The following FGD4 variants were observed in gnomAD, a reference collection of about 807,000 sequenced individuals.
FGD4 encodes FYVE, RhoGEF and PH domain-containing protein 4.
Under a neutral mutation model 102.0 loss-of-function variants are expected in FGD4, and 42 were observed. The ratio of observed to expected loss-of-function variants is 0.41; its 90% CI spans 0.32 to 0.53. The LOEUF is 0.53. Among genes scored for constraint, FGD4 ranks in the 20% least tolerant of loss-of-function variants. The pLI, the probability that FGD4 is intolerant of heterozygous loss-of-function variation, is 0.21. For missense variants in FGD4, 902 were observed against 1,078.2 expected (o/e 0.84, Z 2.29); for synonymous variants, 380 against 375.7 (o/e 1.01, Z -0.13).
At position 32,544,594 on chromosome 12, in the gene FGD4, G is replaced by A. The variant is rs544973473; in HGVS notation, c.167-19543G>A. Among the ~76,000 whole-genome samples the A allele has an allele frequency of 5.3e-5, 8 of 152,148 alleles. No individual in the cohort carries two copies. The highest frequency in any genetic ancestry group is 2.1e-4 in the South Asian group (1 of 4,826). ...AAAAAAATACAAAAATGAGCCGGGC[G>A]TGGTGGCTCACACCTGTGGTTCCAG... is the stretch of plus-strand genomic sequence containing the variant. On this transcript the variant is annotated intron_variant, in intron 1 of 16. Coordinates refer to ENST00000534526, the MANE Select transcript of FGD4 (RefSeq NM_001370298.3). This position sits in a 1 kb window ranked among gnomAD's most constrained non-coding sequence, Gnocchi z 4.1.
intron 1 of FGD4, among the ~76,000 whole-genome samples, chr12:32,525,582 A>G (rs1941058101): frequency 6.6e-6 from 1 of 152,160 alleles, no homozygotes; most frequent in Non-Finnish European, 1.5e-5. Context: ...GCATTTGAGG[A>G]TCCCTTCAGT....
chr12:32,636,765 G>A lies in FGD4; in HGVS notation c.2314-1890G>A, dbSNP rs12827342. 2.0e-5 allele frequency among the ~76,000 whole-genome samples: 3 copies of A among 152,008 alleles called. No homozygotes were observed. The South Asian group carries it at 6.2e-4, about 31-fold the overall frequency. On this transcript the variant is annotated intron_variant, in intron 15 of 16. Coordinates refer to ENST00000534526, the MANE Select transcript of FGD4 (RefSeq NM_001370298.3). ...ATAACACTGAGTAGCACTACCTGAA[G>A]GGTTTTGGAGACAGAAAATAGAAGC...
chr12:32,638,973 G>T, intron 16 of FGD4, 178 bp downstream of exon 16: 1 of 1,447,414 alleles, frequency 6.9e-7, no homozygotes, highest in Non-Finnish European at 9.1e-7. Flanking sequence ...TCATTTTATA[G>T]CCTATATTTT....
At chr12:32,563,719 C>G (rs878893945) in intron 1 of FGD4, among the ~76,000 whole-genome samples, 4 of 152,208 alleles carry the variant, frequency 2.6e-5, no homozygotes, top group Non-Finnish European at 2.9e-5. Context: ...CCATTGAGCA[C>G]TGAGTGAACC....
At chr12:32,499,633 A>G (rs1309340021) in intron 1 of FGD4, among the ~76,000 whole-genome samples, 1 of 152,248 alleles carries the variant, frequency 6.6e-6, no homozygotes, top group East Asian at 1.9e-4. Flanking sequence ...TAATTTGGAA[A>G]CTGGAGAAAG....
chr12:32,456,014 T>C (rs1417898953), intron 1 of FGD4, among the ~76,000 whole-genome samples: 1 of 152,182 alleles, frequency 6.6e-6, no homozygotes. Context: ...ACCACTAGTC[T>C]CCATCCAACC....
chr12:32,573,813 T>C (rs1023637870), intron 2 of FGD4, among the ~76,000 whole-genome samples: 10 of 152,252 alleles, frequency 6.6e-5, no homozygotes, highest in Admixed American at 2.0e-4. Flanking sequence ...GCCTCTCCAC[T>C]AGTATATGAT....
intron 16 of FGD4, 63 bp from the exon 17 acceptor site, chr12:32,640,213 C>A: frequency 6.2e-7 from 1 of 1,612,644 alleles, no homozygotes; most frequent in Non-Finnish European, 8.5e-7. Flanking sequence ...TTAGTAGGAG[C>A]AAGGGACACA....
chr12:32,632,709 A>ATTT lies in FGD4; in HGVS notation c.2173-839_2173-837dup, dbSNP rs1218752600. Among the ~76,000 whole-genome samples the ATTT allele has an allele frequency of 3.2e-3, 402 of 124,434 alleles. 1 individual carries two copies. Among genetic ancestry groups the ATTT allele is most frequent in the African/African-American group, 0.012 (377 of 30,990 alleles). 81.6% of individuals were successfully genotyped at this position (124,434 alleles called of 152,430 possible). A position where few individuals can be genotyped will look rare whatever the true frequency, so the allele number is the denominator to read the frequency against. On this transcript the variant is annotated intron_variant, in intron 14 of 16. Transcript: ENST00000534526. ...TTTATTTTTATTTATTTATTTATTT[A>ATTT]TTTATTTTTTTTTTTTGAGACAGGG...
At chr12:32,580,863 G>A (rs1370115449) in intron 3 of FGD4, among the ~76,000 whole-genome samples, 1 of 150,916 alleles carries the variant, frequency 6.6e-6, no homozygotes. Flanking sequence ...CTCCAGCCTG[G>A]GTGACAGAGT....
At chr12:32,465,953 ATTTTTGTAGT>A (rs1943242340) in intron 1 of FGD4, among the ~76,000 whole-genome samples, 1 of 151,960 alleles carries the variant, frequency 6.6e-6, no homozygotes, top group Non-Finnish European at 1.5e-5. Context: ...TACTTTTTAA[ATTTTTGTAGT>A]GATGGTGTCT....
chr12:32,538,793 C>G (rs1296013729), intron 1 of FGD4, among the ~76,000 whole-genome samples: 2 of 152,108 alleles, frequency 1.3e-5, no homozygotes, highest in African/African-American at 4.8e-5. Context: ...GTGGCTCACA[C>G]CTGTAATCCC....
intron 1 of FGD4, among the ~76,000 whole-genome samples, chr12:32,427,496 A>G (rs1941883727): frequency 6.6e-6 from 1 of 152,144 alleles, no homozygotes; most frequent in African/African-American, 2.4e-5. Context: ...TATGTGGTCA[A>G]TTTTAGAATA....
intron 1 of FGD4, among the ~76,000 whole-genome samples, chr12:32,548,301 C>T (rs982515217): frequency 2.0e-5 from 3 of 152,006 alleles, no homozygotes; most frequent in South Asian, 2.1e-4. Flanking sequence ...GTGTTTTGTC[C>T]GATCTTAGAG....
chr12:32,587,541 C>G (rs1455487714), intron 4 of FGD4, among the ~76,000 whole-genome samples: 1 of 151,960 alleles, frequency 6.6e-6, no homozygotes, highest in Non-Finnish European at 1.5e-5. Flanking sequence ...CAGGCATGCA[C>G]CATCACGCCT....
intron 15 of FGD4, among the ~76,000 whole-genome samples, chr12:32,636,661 G>GT (rs1160204492): frequency 6.6e-6 from 1 of 151,600 alleles, no homozygotes; most frequent in Non-Finnish European, 1.5e-5. Context: ...TGTTATAAAA[G>GT]TTTAATACTT....
At chr12:32,444,021 CTTTTTTT>C (rs67353121) in intron 1 of FGD4, among the ~76,000 whole-genome samples, 1 of 119,120 alleles carries the variant, frequency 8.4e-6, no homozygotes, top group Non-Finnish European at 1.9e-5. Flanking sequence ...ACTTTGTTTT[CTTTTTTT>C]TTTTTTTTTT....
intron 10 of FGD4, 21 bp from the exon 11 acceptor site, chr12:32,619,677 A>G (rs1949682321): frequency 1.2e-6 from 2 of 1,613,738 alleles, no homozygotes; most frequent in Admixed American, 1.7e-5. Flanking sequence ...CTTTACTGAT[A>G]TATGTTCTCG....
At chr12:32,471,756 G>A (rs1237485252) in intron 1 of FGD4, among the ~76,000 whole-genome samples, 1 of 152,118 alleles carries the variant, frequency 6.6e-6, no homozygotes. Flanking sequence ...GGCTGCTTGG[G>A]TCACTTGTGG....
Sources: gnomAD v4.1 joint callset for allele counts (sites outside exome capture counted in the v4.1 genomes callset) on GRCh38, gnomAD v4.1.1 for gene constraint, Gnocchi (gnomAD v3.1) non-coding constraint, MANE v1.5 for transcripts, NCBI Gene and HGNC (gene_info 2026-07-23, HGNC 2026-07-21) for gene names.